The following TBC1D15 variants were observed in gnomAD, a reference collection of about 807,000 sequenced individuals.
TBC1D15 encodes the protein TBC1 domain family member 15.
In TBC1D15, 39 loss-of-function variants were observed where a neutral mutation model predicts 95.4. The observed-to-expected ratio is 0.41, with a 90% confidence interval of 0.32 to 0.53. TBC1D15 has a LOEUF of 0.53. Ranked by LOEUF, TBC1D15 falls within the 20% of genes least tolerant of loss-of-function variation. The pLI is 0.29. For missense variants in TBC1D15, 733 were observed against 794.3 expected, an observed-to-expected ratio of 0.92 and a Z score of 0.93; for synonymous variants, 258 against 261.3, an observed-to-expected ratio of 0.99 and a Z score of 0.12.
chr12:71,900,801 T>C (rs1899209355), intron 10 of TBC1D15, among the ~76,000 whole-genome samples: 1 of 152,076 alleles, frequency 6.6e-6, no homozygotes, highest in Admixed American at 6.6e-5. Context: ...TTGTGTGCAA[T>C]GTTGCCATTT....
chr12:71,869,783 T>C (rs1892277519), intron 1 of TBC1D15, among the ~76,000 whole-genome samples: 1 of 152,190 alleles, frequency 6.6e-6, no homozygotes, highest in Non-Finnish European at 1.5e-5. Flanking sequence ...GAGCATCTGG[T>C]TCACCCTCCT....
chr12:71,913,545 T>C (rs1325364132), intron 11 of TBC1D15: 1 of 274,064 alleles, frequency 3.6e-6, no homozygotes, highest in African/African-American at 2.3e-5. Flanking sequence ...ACATTATTTT[T>C]AAAAATATTA....
Position 71,923,773 on chromosome 12 carries a change from A to G in TBC1D15, c.*569A>G, listed in dbSNP as rs1870283173. 6.6e-6 allele frequency: 1 copy of G among 152,606 alleles called. No individual in the cohort carries two copies. The highest frequency in any genetic ancestry group is 2.4e-5 in the African/African-American group (1 of 41,442). 9.5% of individuals were successfully genotyped at this position (152,606 alleles called of 1,614,324 possible). A position where few individuals can be genotyped will look rare whatever the true frequency, so the allele number is the denominator to read the frequency against. ...TAAATATTTCAACCATAATAAGTGG[A>G]TTGGCAGTATATTTTTTACATTGAA... On this transcript the variant is annotated 3_prime_UTR_variant, in exon 17 of 17. Transcript: ENST00000485960.
chr12:71,901,620 A>G (rs1277526529), intron 10 of TBC1D15, among the ~76,000 whole-genome samples: 2 of 152,166 alleles, frequency 1.3e-5, no homozygotes, highest in Non-Finnish European at 2.9e-5. Context: ...TCAAAATAAT[A>G]AGAGCCATCT....
At chr12:71,860,722 C>G (rs1446458020) in intron 1 of TBC1D15, among the ~76,000 whole-genome samples, 1 of 152,138 alleles carries the variant, frequency 6.6e-6, no homozygotes, top group Non-Finnish European at 1.5e-5. Flanking sequence ...TTCTTTCTTT[C>G]TCTTGCCTAA....
intron 1 of TBC1D15, among the ~76,000 whole-genome samples, chr12:71,859,087 T>C (rs12316953): frequency 0.017 from 2,653 of 152,148 alleles, 78 homozygotes; most frequent in African/African-American, 0.061. Context: ...TAATTAGTGA[T>C]GTTGAACATT....
In TBC1D15 at chr12:71,921,313, G is replaced by T. The variant is rs1482925218; in HGVS notation, c.1717-55G>T. 57 of 960,206 alleles carry T rather than the reference G, an allele frequency of 5.9e-5. No individual in the cohort carries two copies. The East Asian group carries it at 1.2e-3, about 20-fold the overall frequency. The allele number at this position is 960,206 out of a possible 1,614,324, so 59.5% of individuals were successfully genotyped here. On this transcript the variant is annotated intron_variant, in intron 15 of 16. Coordinates refer to ENST00000485960, the MANE Select transcript of TBC1D15 (RefSeq NM_001146213.3). ...CTGGTAATAAATTGTTTATATAATA[G>T]AATATAATAGTGTATTCAGTTTCGA...
At chr12:71,904,382 C>G (rs528431517) in intron 10 of TBC1D15, among the ~76,000 whole-genome samples, 114 of 152,296 alleles carry the variant, frequency 7.5e-4, no homozygotes, top group Non-Finnish European at 1.4e-3. Context: ...ATACCTACAG[C>G]TCTTTCAAGG....
At chr12:71,842,223 C>T (rs1462221069) in intron 1 of TBC1D15, among the ~76,000 whole-genome samples, 1 of 152,136 alleles carries the variant, frequency 6.6e-6, no homozygotes, top group Non-Finnish European at 1.5e-5. Context: ...TAATCTCTGT[C>T]TTGTAGGGAA....
At chr12:71,913,111 A>G (rs1902804254) in intron 11 of TBC1D15, among the ~76,000 whole-genome samples, 1 of 152,106 alleles carries the variant, frequency 6.6e-6, no homozygotes, top group African/African-American at 2.4e-5. Context: ...GAGAAATTGT[A>G]ATAATATCAA....
intron 1 of TBC1D15, among the ~76,000 whole-genome samples, chr12:71,859,895 G>A (rs1890010520): frequency 6.6e-6 from 1 of 152,218 alleles, no homozygotes; most frequent in Non-Finnish European, 1.5e-5. Context: ...ACAAGCATGA[G>A]CTACCATGCC....
At chr12:71,858,105 T>C (rs1889519123) in intron 1 of TBC1D15, among the ~76,000 whole-genome samples, 1 of 152,006 alleles carries the variant, frequency 6.6e-6, no homozygotes, top group Non-Finnish European at 1.5e-5. Context: ...GGAGTTTCGC[T>C]CTTCTTGCCC....
chr12:71,843,530 T>G (rs1885588781), intron 1 of TBC1D15, among the ~76,000 whole-genome samples: 1 of 152,064 alleles, frequency 6.6e-6, no homozygotes, highest in Non-Finnish European at 1.5e-5. Flanking sequence ...ATAATAGGAG[T>G]ATGTCTTATT....
intron 4 of TBC1D15, among the ~76,000 whole-genome samples, chr12:71,881,988 G>A (rs534763396): frequency 1.3e-5 from 2 of 150,664 alleles, no homozygotes; most frequent in South Asian, 4.2e-4. Context: ...AAGCTTGAGG[G>A]TTTATTTTGA....
intron 1 of TBC1D15, among the ~76,000 whole-genome samples, chr12:71,842,032 AGGGGAGTGAATGT>A (rs1885146375): frequency 1.3e-5 from 2 of 152,296 alleles, no homozygotes; most frequent in African/African-American, 4.8e-5. Flanking sequence ...TTAGAAATCC[AGGGGAGTGAATGT>A]TAACCAAGGC....
At chr12:71,895,273 C>T (rs1408550518) in intron 7 of TBC1D15, among the ~76,000 whole-genome samples, 1 of 152,016 alleles carries the variant, frequency 6.6e-6, no homozygotes, top group East Asian at 1.9e-4. Flanking sequence ...TGTAATACTT[C>T]CTTTTTTAAG....
intron 3 of TBC1D15, among the ~76,000 whole-genome samples, chr12:71,879,183 A>G (rs1243368583): frequency 1.3e-5 from 2 of 149,418 alleles, no homozygotes; most frequent in African/African-American, 5.0e-5. Flanking sequence ...CCTAGGCTGG[A>G]GTGCAATGGC....
In TBC1D15 at chr12:71,898,283, T is replaced by C. The variant is rs191807281; in HGVS notation, c.1183+342T>C. 1.4e-3 allele frequency among the ~76,000 whole-genome samples: 218 copies of C among 152,152 alleles called. 1 individual carries two copies. The highest frequency in any genetic ancestry group is 3.4e-3 in the Middle Eastern group (1 of 292). ...TGAAAGTCTGTTTATTGTAGAAAAA[T>C]TAACTGTAGATGAGCAAAAAGAGGT... On this transcript the variant is annotated intron_variant, in intron 10 of 16. Coordinates refer to ENST00000485960, the MANE Select transcript of TBC1D15 (RefSeq NM_001146213.3).
At chr12:71,918,572 A>T (rs754024687) in intron 14 of TBC1D15, 24 bp downstream of exon 14, 1 of 1,351,980 alleles carries the variant, frequency 7.4e-7, no homozygotes. Context: ...TTATTATGCA[A>T]ATGTGATATT....
Sources: allele counts gnomAD v4.1 joint callset (sites outside exome capture counted in the v4.1 genomes callset), GRCh38; gene constraint gnomAD v4.1.1; transcripts MANE v1.5; gene names NCBI Gene and HGNC (gene_info 2026-07-23, HGNC 2026-07-21).